The following MGP variants were observed in gnomAD, a reference collection of about 807,000 sequenced individuals.
The protein encoded by MGP is matrix Gla protein.
A neutral mutation model predicts 14.5 loss-of-function variants in MGP; 13 were observed. That is an observed-to-expected ratio of 0.89 (90% CI 0.58 to 1.42). The LOEUF is 1.42. Among genes scored for constraint, MGP ranks in the 40% most tolerant of loss-of-function variants. The pLI is 0.00. For missense variants in MGP, 128 were observed against 133.7 expected (o/e 0.96, Z 0.21); for synonymous variants, 44 against 46.3 (o/e 0.95, Z 0.20).
rs139069321 is a variant in MGP, at chr12:14,881,601, G to A, written c.*538C>T. The A allele has an allele frequency of 6.5e-6, 1 of 153,384 alleles. No homozygotes were observed. Among genetic ancestry groups the A allele is most frequent in the African/African-American group, 2.4e-5 (1 of 41,152 alleles). 9.5% of individuals were successfully genotyped at this position (153,384 alleles called of 1,614,324 possible). On this transcript the variant is annotated 3_prime_UTR_variant, in exon 4 of 4. Coordinates refer to ENST00000539261, the MANE Select transcript of MGP (RefSeq NM_000900.5). ...ATTATCTTGATTCAGAAATGTTTTT[G>A]ACTTTGATGCATAAGAGATGAAAAG...
chr12:14,882,982 C>A lies in MGP; in HGVS notation c.160G>T (p.Val54Phe). The A allele has an allele frequency of 1.2e-6, 2 of 1,611,720 alleles. No homozygotes were observed. Among genetic ancestry groups the A allele is most frequent in the South Asian group, 2.2e-5 (2 of 91,016 alleles). ...AGTTTTGTTACTGACCTCTCTTGGA[C>A]TTTAGCTCTCCATCTCTGCTGAGGG... The part of the protein sequence containing the change: ...ISPQQRWRAK[V>F]QERIRERSKP... Residue 54 changes from valine to phenylalanine, a missense_variant, in exon 3 of 4, where the codon GTC becomes TTC. Physicochemically the swap from Val to Phe is conservative, Grantham distance 50. Coordinates refer to ENST00000539261, the MANE Select transcript of MGP (RefSeq NM_000900.5).
Position 14,882,872 on chromosome 12 carries a change from G to A in MGP, c.170+100C>T, listed in dbSNP as rs1863396105. The A allele has an allele frequency of 1.2e-4, 95 of 790,302 alleles. No homozygotes were observed. The South Asian group carries it at 1.3e-3, about 11-fold the overall frequency. The allele number at this position is 790,302 out of a possible 1,614,324, so 49.0% of individuals were successfully genotyped here. ...TTTTTTGATTTTAAAGATACAATTA[G>A]AAATAATGTATATGATGAAAAAGCT... On this transcript the variant is annotated intron_variant, in intron 3 of 3. Coordinates refer to ENST00000539261, the MANE Select transcript of MGP (RefSeq NM_000900.5).
rs754107566 is a variant in MGP at position 14,884,230 on chromosome 12, A to G, written c.77T>C (p.Met26Thr). The stretch of plus-strand genomic sequence containing the variant: ...TCACTTACTAAGTTCATAAGATTCC[A>G]TGCTTTCATGTGATTCTGAAATTAA... ...VTLCYESHES[M>T]ESYELNPFIN... Residue 26 changes from methionine (M) to threonine (T), a missense_variant, in exon 2 of 4, where the codon ATG becomes ACG. By Grantham distance (81) the Met-to-Thr change is moderately conservative. Transcript: ENST00000539261. The G allele has an allele frequency of 9.0e-6, 13 of 1,450,646 alleles. No individual in the cohort carries two copies. Among genetic ancestry groups the G allele is most frequent in the Non-Finnish European group, 1.1e-5 (12 of 1,048,514 alleles). The allele number at this position is 1,450,646 out of a possible 1,614,324, so 89.9% of individuals were successfully genotyped here. A position where few individuals can be genotyped will look rare whatever the true frequency, so the allele number is the denominator to read the frequency against.
At chr12:14,885,240 C>A (rs573546955) in intron 1 of MGP, among the ~76,000 whole-genome samples, 5 of 152,230 alleles carry the variant, frequency 3.3e-5, no homozygotes, top group African/African-American at 1.2e-4. Context: ...TTCTAAAATT[C>A]TTTTGATGTA....
chr12:14,884,799 A>C, intron 1 of MGP: 2 of 1,529,954 alleles, frequency 1.3e-6, no homozygotes, highest in Non-Finnish European at 1.7e-6. Flanking sequence ...CACTAGCTCC[A>C]GCTGACAGCT....
In MGP at chr12:14,882,326, A is replaced by G. The variant is rs746075908; in HGVS notation, c.171-46T>C. 4 of 1,603,814 alleles carry G rather than the reference A, an allele frequency of 2.5e-6. No individual in the cohort carries two copies. In the South Asian group the frequency reaches 4.4e-5, roughly 18 times the overall value. ...CCAAAATTGAGAAGGATAAAGTGGA[A>G]AAATACAAAAATGGAAAAGAAGAAG... On this transcript the variant is annotated intron_variant, in intron 3 of 3. Transcript: ENST00000539261.
At position 14,882,188 on chromosome 12, in the gene MGP, T is replaced by A; in HGVS notation, c.263A>T (p.Tyr88Phe). Residue 88 changes from tyrosine (Y) to phenylalanine (F), a missense_variant, in exon 4 of 4, where the codon TAC becomes TTC. By Grantham distance (22) the Tyr-to-Phe change is conservative. Coordinates refer to ENST00000539261, the MANE Select transcript of MGP (RefSeq NM_000900.5). ...LCERYAMVYG[Y>F]NAAYNRYFRK... is the part of the protein sequence containing the mutation. ...GAAGTAGCGATTATAGGCAGCATTG[T>A]ATCCATAAACCATGGCGTAGCGTTC... 1.2e-6 allele frequency: 2 copies of A among 1,614,132 alleles called. No individual in the cohort carries two copies. Among genetic ancestry groups the A allele is most frequent in the South Asian group, 2.2e-5 (2 of 91,076 alleles).
At chr12:14,882,889 GA>G in intron 3 of MGP, 82 bp downstream of exon 3, 1 of 908,818 alleles carries the variant, frequency 1.1e-6, no homozygotes, top group Non-Finnish European at 1.8e-6. Context: ...TGTATATGAT[GA>G]AAAAGCTGTT....
intron 2 of MGP, chr12:14,883,613 A>G (rs1863406050): frequency 6.0e-6 from 1 of 165,738 alleles, no homozygotes; most frequent in Non-Finnish European, 1.3e-5. Context: ...AGCCTGGACA[A>G]CATGGTGAAA....
intron 2 of MGP, chr12:14,883,944 C>T (rs561856313): frequency 1.8e-5 from 6 of 324,572 alleles, no homozygotes; most frequent in Admixed American, 4.5e-5. Context: ...GTGCAGTTGA[C>T]GTGGTGCCAA....
chr12:14,882,112 A>C lies in MGP; in HGVS notation c.*27T>G, dbSNP rs80337043. ...AAATCAGGTGCCAGCCTCCAGAAAAAAAGAGATTTTTTTTCTTCCCTCAGT... is the reference window on the plus strand; with the variant it reads ...AAATCAGGTGCCAGCCTCCAGAAAACAAGAGATTTTTTTTCTTCCCTCAGT... On this transcript the variant is annotated 3_prime_UTR_variant, in exon 4 of 4. Transcript: ENST00000539261. The C allele has an allele frequency of 3.9e-3, 6,279 of 1,613,832 alleles. 150 individuals are homozygous for C. The South Asian group carries it at 0.04, about 10-fold the overall frequency.
rs144321187 is a variant in MGP at position 14,881,933 on chromosome 12, T to C, written c.*206A>G. 1.3e-3 allele frequency: 766 copies of C among 602,182 alleles called. 5 individuals carry two copies. Among genetic ancestry groups the C allele is most frequent in the African/African-American group, 0.012 (667 of 53,996 alleles). The allele number at this position is 602,182 out of a possible 1,614,324, so 37.3% of individuals were successfully genotyped here. A position where few individuals can be genotyped will look rare whatever the true frequency, so the allele number is the denominator to read the frequency against. The stretch of plus-strand genomic sequence containing the variant: ...AAGTTTATTATGGAACAATCACATA[T>C]GTTGACTCTCCTTTGACCCTCACTG... On this transcript the variant is annotated 3_prime_UTR_variant, in exon 4 of 4. Coordinates refer to ENST00000539261, the MANE Select transcript of MGP (RefSeq NM_000900.5).
intron 1 of MGP, among the ~76,000 whole-genome samples, chr12:14,884,512 CA>C (rs1166286397): frequency 6.6e-6 from 1 of 152,098 alleles, no homozygotes; most frequent in Non-Finnish European, 1.5e-5. Flanking sequence ...TGGCCATTTT[CA>C]GCTAAAATTT....
At chr12:14,883,833 C>A (rs1238485295) in intron 2 of MGP, 10 of 169,244 alleles carry the variant, frequency 5.9e-5, no homozygotes, top group East Asian at 3.3e-4. Context: ...CACAAAAAAA[C>A]CAAAACAGCA....
intron 2 of MGP, chr12:14,883,897 T>G: frequency 4.0e-6 from 1 of 248,868 alleles, no homozygotes; most frequent in Non-Finnish European, 7.9e-6. Flanking sequence ...TCCAGCTCTG[T>G]GCTTTACCAT....
At position 14,884,233 on chromosome 12, in the gene MGP, C is replaced by T; in HGVS notation, c.74G>A (p.Ser25Asn). 6.9e-7 allele frequency: 1 copy of T among 1,442,638 alleles called. No homozygotes were observed. Among genetic ancestry groups the T allele is most frequent in the Non-Finnish European group, 9.6e-7 (1 of 1,043,670 alleles). The allele number at this position is 1,442,638 out of a possible 1,614,324, so 89.4% of individuals were successfully genotyped here. A position where few individuals can be genotyped will look rare whatever the true frequency, so the allele number is the denominator to read the frequency against. ...CTTACTAAGTTCATAAGATTCCATG[C>T]TTTCATGTGATTCTGAAATTAAAAA... Reference protein sequence around the residue: ...VVTLCYESHESMESYELNPFI... With the variant: ...VVTLCYESHENMESYELNPFI... Residue 25 changes from serine (S) to asparagine (N), a missense_variant, in exon 2 of 4, where the codon AGC becomes AAC. By Grantham distance (46) the Ser-to-Asn change is conservative. Transcript: ENST00000539261.
At chr12:14,884,358 A>G (rs1034407996) in intron 1 of MGP, 113 bp from the exon 2 acceptor site, 5 of 711,540 alleles carry the variant, frequency 7.0e-6, no homozygotes, top group Non-Finnish European at 1.1e-5. Flanking sequence ...GAAGAAGAGG[A>G]AAGAGTCTAA....
rs1370145652 is a variant in MGP, at chr12:14,885,741, A to G, written c.51T>C (p.Thr17=). The G allele has an allele frequency of 6.2e-7, 1 of 1,613,546 alleles. No individual in the cohort carries two copies. Among genetic ancestry groups the G allele is most frequent in the Non-Finnish European group, 8.5e-7 (1 of 1,179,648 alleles). ...AGAAAAGTTTCTCACCATAACACAA[A>G]GTTACTACCGCTAAGGCGGCCAGGA... ...LAILAALAVV[T]LCYESHESME... Residue 17 remains threonine (T), a synonymous_variant, in exon 1 of 4, where the codon ACT becomes ACC. Transcript: ENST00000539261.
intron 1 of MGP, chr12:14,884,912 A>G (rs1319357486): frequency 7.2e-6 from 11 of 1,521,922 alleles, no homozygotes; most frequent in Non-Finnish European, 9.7e-6. Context: ...TAAATTTTGG[A>G]ATAAGAAGCT....
Sources: allele counts gnomAD v4.1 joint callset (sites outside exome capture counted in the v4.1 genomes callset), GRCh38; gene constraint gnomAD v4.1.1; transcripts MANE v1.5; gene names NCBI Gene and HGNC (gene_info 2026-07-23, HGNC 2026-07-21).